TANC1: variants seen among roughly 807,000 people sequenced by gnomAD.
The protein encoded by TANC1 is protein TANC1.
A neutral mutation model predicts 149.7 loss-of-function variants in TANC1; 77 were observed. The ratio of observed to expected loss-of-function variants is 0.51; its 90% CI spans 0.43 to 0.62. The LOEUF is 0.62. Among genes scored for constraint, TANC1 ranks in the 20% least tolerant of loss-of-function variants. The pLI, the probability that TANC1 is intolerant of heterozygous loss-of-function variation, is 0.00. For synonymous variants in TANC1, 854 were observed against 925.0 expected (o/e 0.92, Z 1.39); for missense variants, 1,985 against 2,321.8 (o/e 0.85, Z 2.98).
intron 2 of TANC1, among the ~76,000 whole-genome samples, chr2:159,004,971 T>G (rs893062546): frequency 6.6e-6 from 1 of 152,206 alleles, no homozygotes; most frequent in African/African-American, 2.4e-5. Context: ...ACTAAATGCA[T>G]TTCTTACGAG....
At chr2:159,184,674 G>A (rs1398742905) in intron 14 of TANC1, among the ~76,000 whole-genome samples, 1 of 152,164 alleles carries the variant, frequency 6.6e-6, no homozygotes, top group Admixed American at 6.5e-5. Flanking sequence ...CTAGAGAGAT[G>A]CTGACAGCGG....
intron 1 of TANC1, among the ~76,000 whole-genome samples, chr2:158,989,268 G>A (rs529691998): frequency 3.3e-5 from 5 of 152,098 alleles, no homozygotes; most frequent in Admixed American, 1.3e-4. Flanking sequence ...CAGTACTTTG[G>A]GATCTCACCT....
chr2:159,175,242 G>A, intron 12 of TANC1, 58 bp downstream of exon 12: 1 of 1,450,610 alleles, frequency 6.9e-7, no homozygotes, highest in Non-Finnish European at 9.6e-7. Context: ...AGACACAGGT[G>A]GTCCCCAGAA....
At position 159,217,526 on chromosome 2, in the gene TANC1, C is replaced by T. The variant is rs529278748; in HGVS notation, c.3274C>T (p.Leu1092=). 6.2e-7 allele frequency: 1 copy of T among 1,614,244 alleles called. No individual in the cohort carries two copies. Among genetic ancestry groups the T allele is most frequent in the African/African-American group, 1.3e-5 (1 of 75,068 alleles). The change falls in exon 20 of 27, where the codon CTG becomes TTG. Residue 1092 remains leucine (L), a synonymous_variant. Transcript: ENST00000263635. ...GACTGCCGCCGCAGGAAGAGGGAAG[C>T]TGGAGGTCTGTGAGCTGCTGCTGGG... ...ALTAAAGRGK[L]EVCELLLGHG...
At chr2:159,222,257 A>G (rs189335968) in intron 22 of TANC1, among the ~76,000 whole-genome samples, 39 of 152,336 alleles carry the variant, frequency 2.6e-4, no homozygotes, top group African/African-American at 9.4e-4. Flanking sequence ...CGTGGCAAAA[A>G]CACATAGCAT....
intron 4 of TANC1, among the ~76,000 whole-genome samples, chr2:159,119,504 A>T (rs1028978617): frequency 6.6e-6 from 1 of 152,232 alleles, no homozygotes; most frequent in Non-Finnish European, 1.5e-5. Context: ...TCTAACTGTA[A>T]TGTAAAATCT....
At chr2:158,987,189 G>C (rs1475548946) in intron 1 of TANC1, among the ~76,000 whole-genome samples, 1 of 148,794 alleles carries the variant, frequency 6.7e-6, no homozygotes, top group African/African-American at 2.5e-5. Flanking sequence ...ACTCCAGCCT[G>C]GGTGACAGAG....
At chr2:159,017,856 C>T (rs758026563) in intron 2 of TANC1, among the ~76,000 whole-genome samples, 1 of 151,804 alleles carries the variant, frequency 6.6e-6, no homozygotes, top group Non-Finnish European at 1.5e-5. Context: ...CACATGTATC[C>T]CAGAACTTAA....
intron 19 of TANC1, among the ~76,000 whole-genome samples, chr2:159,210,553 TTTTG>T (rs766961066): frequency 1.4e-4 from 21 of 151,886 alleles, no homozygotes; most frequent in Admixed American, 5.9e-4. Flanking sequence ...TGTTGTCAGG[TTTTG>T]TTTGTTTGTT....
intron 1 of TANC1, among the ~76,000 whole-genome samples, chr2:158,979,240 G>A (rs1230468499): frequency 6.6e-6 from 1 of 152,118 alleles, no homozygotes; most frequent in Admixed American, 6.5e-5. Flanking sequence ...TATAATTCTA[G>A]TACTTTGGGA....
At chr2:159,094,607 C>T (rs1279231171) in intron 3 of TANC1, among the ~76,000 whole-genome samples, 1 of 152,200 alleles carries the variant, frequency 6.6e-6, no homozygotes, top group Admixed American at 6.5e-5. Flanking sequence ...GAAGGGAAAG[C>T]AGCTGGGAAA....
In TANC1 at chr2:159,227,866, A is replaced by G. The variant is rs746564602; in HGVS notation, c.3951A>G (p.Arg1317=). The part of the protein sequence containing the change: ...EAAQRYQYAL[R]KFPREGFGED... ...CCCAGAGGTACCAGTATGCCTTAAG[A>G]AAGTTTCCTCGAGAAGGATTCGGAG... The change falls in exon 25 of 27, where the codon AGA becomes AGG. Residue 1317 remains arginine, a synonymous_variant. Transcript: ENST00000263635. 1.2e-6 allele frequency: 2 copies of G among 1,614,088 alleles called. No homozygotes were observed. The highest frequency in any genetic ancestry group is 2.2e-5 in the East Asian group (1 of 44,894).
intron 2 of TANC1, among the ~76,000 whole-genome samples, chr2:159,062,973 C>CAAAAAAAAAAAATAAAAAA (rs2042359046): frequency 2.4e-5 from 1 of 41,216 alleles, no homozygotes; most frequent in Non-Finnish European, 5.4e-5. Flanking sequence ...GACTCCGTCT[C>CAAAAAAAAAAAATAAAAAA]AAAAAAAAAA....
intron 21 of TANC1, 114 bp from the exon 22 acceptor site, chr2:159,219,578 C>T (rs1306758633): frequency 7.2e-7 from 1 of 1,389,588 alleles, no homozygotes; most frequent in Non-Finnish European, 1.0e-6. Flanking sequence ...TCACCCTTCA[C>T]AGTGCTTGAC....
At chr2:159,053,056 A>T (rs981548531) in intron 2 of TANC1, among the ~76,000 whole-genome samples, 1 of 152,202 alleles carries the variant, frequency 6.6e-6, no homozygotes, top group Non-Finnish European at 1.5e-5. Context: ...TTACAGATTC[A>T]TGCCTTGGAT....
chr2:159,137,125 G>C (rs1441595429), intron 5 of TANC1, among the ~76,000 whole-genome samples: 1 of 152,176 alleles, frequency 6.6e-6, no homozygotes. Flanking sequence ...TGCTGAAAGA[G>C]AACTCAACCA....
At chr2:159,048,481 G>A (rs760015662) in intron 2 of TANC1, among the ~76,000 whole-genome samples, 7 of 152,134 alleles carry the variant, frequency 4.6e-5, no homozygotes, top group Non-Finnish European at 1.0e-4. Flanking sequence ...ATGGAATGCC[G>A]TACAGGAAAG....
chr2:159,205,044 G>C (rs948974556), intron 19 of TANC1, among the ~76,000 whole-genome samples: 1 of 152,238 alleles, frequency 6.6e-6, no homozygotes, highest in Non-Finnish European at 1.5e-5. Flanking sequence ...CAGCTGGGGT[G>C]GGTGTTTCCA....
At chr2:159,042,105 C>G (rs769119881) in intron 2 of TANC1, among the ~76,000 whole-genome samples, 3 of 152,166 alleles carry the variant, frequency 2.0e-5, no homozygotes, top group Non-Finnish European at 2.9e-5. Flanking sequence ...TCCAGAGAAA[C>G]CTCCTATTCT....
Sources: gnomAD v4.1 joint callset for allele counts (sites outside exome capture counted in the v4.1 genomes callset) on GRCh38, gnomAD v4.1.1 for gene constraint, MANE v1.5 for transcripts, NCBI Gene and HGNC (gene_info 2026-07-23, HGNC 2026-07-21) for gene names.